The following NOL4 variants were observed in gnomAD, a reference collection of about 807,000 sequenced individuals.
NOL4 encodes the protein cancer/testis antigen 125.
Under a neutral mutation model 75.9 loss-of-function variants are expected in NOL4, and 17 were observed. The observed-to-expected ratio is 0.22, with a 90% CI of 0.15 to 0.34. NOL4 has a LOEUF of 0.34. Among genes scored for constraint, NOL4 ranks in the 10% least tolerant of loss-of-function variants. The pLI is 1.00. For synonymous variants in NOL4, 292 were observed against 289.9 expected (o/e 1.01, Z -0.07); for missense variants, 614 against 793.5 (o/e 0.77, Z 2.72).
At chr18:34,175,841 G>A (rs75430513) in intron 1 of NOL4, among the ~76,000 whole-genome samples, 3,268 of 152,054 alleles carry the variant, frequency 0.021, 52 homozygotes, top group Non-Finnish European at 0.034. Flanking sequence ...AATACAATAA[G>A]CAGCAACAGC....
intron 5 of NOL4, among the ~76,000 whole-genome samples, chr18:34,087,927 T>C (rs1484956359): frequency 6.6e-6 from 1 of 152,014 alleles, no homozygotes; most frequent in Non-Finnish European, 1.5e-5. Context: ...ATAGCTTTTA[T>C]AGCTGATTAA....
At chr18:33,916,042 C>G (rs1418009941) in intron 9 of NOL4, among the ~76,000 whole-genome samples, 1 of 152,070 alleles carries the variant, frequency 6.6e-6, no homozygotes, top group African/African-American at 2.4e-5. Flanking sequence ...AAGTGACTCC[C>G]AAAGCTATGG....
chr18:34,019,727 A>G (rs1362782370), intron 5 of NOL4, 126 bp from the exon 6 acceptor site: 8 of 793,522 alleles, frequency 1.0e-5, no homozygotes, highest in Non-Finnish European at 1.4e-5. Context: ...ATTCATCCTC[A>G]GCAATAAGCT....
chr18:34,222,902 G>C, intron 1 of NOL4, 88 bp downstream of exon 1: 1 of 1,525,852 alleles, frequency 6.6e-7, no homozygotes, highest in Non-Finnish European at 8.8e-7. Flanking sequence ...GGCGGCTCAC[G>C]GCTCCCCCTC....
At chr18:34,144,948 A>G (rs1298581325) in intron 1 of NOL4, among the ~76,000 whole-genome samples, 1 of 152,126 alleles carries the variant, frequency 6.6e-6, no homozygotes, top group Non-Finnish European at 1.5e-5. Context: ...GAAAACAGAC[A>G]GGAAGAAATG....
At chr18:33,959,355 T>G (rs2145751074) in intron 6 of NOL4, among the ~76,000 whole-genome samples, 1 of 152,202 alleles carries the variant, frequency 6.6e-6, no homozygotes, top group African/African-American at 2.4e-5. Context: ...GGGATTACAC[T>G]TATTCCAAAT....
chr18:34,070,459 G>A (rs1271886821), intron 5 of NOL4, among the ~76,000 whole-genome samples: 3 of 152,118 alleles, frequency 2.0e-5, no homozygotes, highest in East Asian at 1.9e-4. Flanking sequence ...CTCATTTGTT[G>A]ATTTTCATTT....
At chr18:33,959,186 T>C (rs2069899411) in intron 6 of NOL4, among the ~76,000 whole-genome samples, 1 of 152,074 alleles carries the variant, frequency 6.6e-6, no homozygotes, top group African/African-American at 2.4e-5. Flanking sequence ...TAATTAAACA[T>C]CTGAAAAATT....
intron 2 of NOL4, among the ~76,000 whole-genome samples, chr18:34,113,628 C>T (rs2079713264): frequency 6.9e-6 from 1 of 144,552 alleles, no homozygotes; most frequent in South Asian, 2.4e-4. Context: ...CAGGGTGAGA[C>T]AGTGCCTCTT....
At chr18:33,894,934 A>G (rs1036828717) in intron 9 of NOL4, among the ~76,000 whole-genome samples, 13 of 152,130 alleles carry the variant, frequency 8.5e-5, no homozygotes, top group Non-Finnish European at 1.9e-4. Flanking sequence ...TGTAGTCAAT[A>G]ATGATATATA....
intron 1 of NOL4, among the ~76,000 whole-genome samples, chr18:34,133,879 T>C (rs1218191387): frequency 6.6e-6 from 1 of 151,906 alleles, no homozygotes; most frequent in Non-Finnish European, 1.5e-5. Flanking sequence ...AAAAGTTAGC[T>C]GGGCGTGGTG....
chr18:34,090,360 C>G (rs2078452888), intron 5 of NOL4, among the ~76,000 whole-genome samples: 1 of 151,952 alleles, frequency 6.6e-6, no homozygotes, highest in Admixed American at 6.6e-5. Context: ...AGAGAAACAG[C>G]TAATAATTGA....
At chr18:34,131,073 GACACAC>G (rs35968611) in intron 1 of NOL4, among the ~76,000 whole-genome samples, 62 of 145,434 alleles carry the variant, frequency 4.3e-4, no homozygotes, top group African/African-American at 8.1e-4. Flanking sequence ...CACATACACC[GACACAC>G]ACACACACAC....
At chr18:33,957,629 G>A in intron 7 of NOL4, 112 bp from the exon 8 acceptor site, 3 of 795,444 alleles carry the variant, frequency 3.8e-6, no homozygotes, top group Non-Finnish European at 5.6e-6. Flanking sequence ...TTTATGCACT[G>A]GAGAACTTTG....
At chr18:33,880,823 T>G (rs2064221007) in intron 10 of NOL4, among the ~76,000 whole-genome samples, 1 of 152,230 alleles carries the variant, frequency 6.6e-6, no homozygotes, top group East Asian at 1.9e-4. Flanking sequence ...TTGAGTTTTT[T>G]TTTTTTAGTA....
rs1332350173 is a variant in NOL4, at chr18:33,886,938, ATATATCTAGATATAT to A, written c.1543-3529_1543-3515del. Among the ~76,000 whole-genome samples the A allele has an allele frequency of 4.5e-5, 6 of 134,200 alleles. No homozygotes were observed. In the East Asian group the frequency reaches 8.1e-4, roughly 18 times the overall value. The allele number at this position is 134,200 out of a possible 152,430, so 88.0% of individuals were successfully genotyped here. A position where few individuals can be genotyped will look rare whatever the true frequency, so the allele number is the denominator to read the frequency against. The stretch of plus-strand genomic sequence containing the variant: ...TATATACATATATATCTATATATCT[ATATATCTAGATATAT>A]TATATCTAGATATATCTATATACAT... On this transcript the variant is annotated intron_variant, in intron 9 of 10. Transcript: ENST00000261592.
intron 6 of NOL4, among the ~76,000 whole-genome samples, chr18:34,006,958 T>C (rs1259327670): frequency 4.0e-5 from 6 of 151,736 alleles, no homozygotes; most frequent in Admixed American, 3.9e-4. Flanking sequence ...AAAATGGGAG[T>C]GGTATCACTC....
At chr18:34,159,268 C>A (rs1357827759) in intron 1 of NOL4, among the ~76,000 whole-genome samples, 1 of 152,204 alleles carries the variant, frequency 6.6e-6, no homozygotes, top group African/African-American at 2.4e-5. Flanking sequence ...TGCTCCCAAC[C>A]CGCGACCCTC....
At chr18:33,955,868 A>G (rs1176035514) in intron 8 of NOL4, among the ~76,000 whole-genome samples, 1 of 152,114 alleles carries the variant, frequency 6.6e-6, no homozygotes, top group African/African-American at 2.4e-5. Flanking sequence ...ATAGATTGAG[A>G]TTATTAAATT....
Sources: allele counts gnomAD v4.1 joint callset (sites outside exome capture counted in the v4.1 genomes callset), GRCh38; gene constraint gnomAD v4.1.1; transcripts MANE v1.5; gene names NCBI Gene and HGNC (gene_info 2026-07-23, HGNC 2026-07-21).